Variants in PATL2 observed in about 807,000 individuals in gnomAD.
The protein encoded by PATL2 is PAT1 homolog 2.
In PATL2, 73 loss-of-function variants were observed where a neutral mutation model predicts 77.0. That is an observed-to-expected ratio of 0.95 (90% CI 0.78 to 1.15). The LOEUF (loss-of-function observed/expected upper bound fraction) is 1.15, where lower values mean the gene tolerates loss of function less well. Among genes scored for constraint, PATL2 ranks in the 50% most tolerant of loss-of-function variants. The probability of loss-of-function intolerance (pLI) is 0.00; values close to 1 mark genes in which losing one functional copy is unlikely to be tolerated. For synonymous variants in PATL2, 265 were observed against 257.1 expected (o/e 1.03, Z -0.29); for missense variants, 618 against 655.4 (o/e 0.94, Z 0.62).
chr15:44,680,035 C>A (rs945823726), intron 3 of PATL2, among the ~76,000 whole-genome samples: 1 of 152,160 alleles, frequency 6.6e-6, no homozygotes, highest in African/African-American at 2.4e-5. Flanking sequence ...TACCCCAATT[C>A]CCTCTGGATC....
chr15:44,693,475 C>T lies in PATL2; in HGVS notation c.-76+16621G>A, dbSNP rs751228059. ...CTTCTGCAGTCACATCTCCCTCTGA[C>T]TACCATCAGGAAAAGTTCTCTGCTT... On this transcript the variant is annotated intron_variant, in intron 3 of 17. Coordinates refer to ENST00000682850, the MANE Select transcript of PATL2 (RefSeq NM_001387263.1). Among the ~76,000 whole-genome samples, 70 of 152,308 alleles carry T rather than the reference C, an allele frequency of 4.6e-4. 1 individual carries two copies. Among genetic ancestry groups the T allele is most frequent in the Admixed American group, 2.9e-3 (44 of 15,302 alleles).
Position 44,673,316 on chromosome 15 carries a change from G to C in PATL2, c.365C>G (p.Ala122Gly), listed in dbSNP as rs1458706512. Residue 122 changes from alanine (A) to glycine (G), a missense_variant, in exon 7 of 18, where the codon GCA becomes GGA. By Grantham distance (60) the Ala-to-Gly change is moderately conservative. Transcript: ENST00000682850. ...GGGCAGCCGAGGTCCAAAGTGCTGT[G>C]CTGGAGAGCTGGTGCTGGGAAATGT... ...WPTFPSTSSPAQHFGPRLPSP... is the reference protein window; with the variant it reads ...WPTFPSTSSPGQHFGPRLPSP... The C allele has an allele frequency of 6.4e-7, 1 of 1,551,578 alleles. No homozygotes were observed. Among genetic ancestry groups the C allele is most frequent in the African/African-American group, 1.4e-5 (1 of 73,040 alleles).
intron 3 of PATL2, among the ~76,000 whole-genome samples, chr15:44,696,886 G>A (rs1392788360): frequency 6.6e-6 from 1 of 152,072 alleles, no homozygotes; most frequent in Non-Finnish European, 1.5e-5. Context: ...TCTCCTGGTG[G>A]GCAGGGTCTG....
intron 16 of PATL2, 90 bp from the exon 17 acceptor site, chr15:44,666,631 T>C (rs1458978243): frequency 3.8e-6 from 5 of 1,327,902 alleles, no homozygotes; most frequent in Admixed American, 3.0e-5. Flanking sequence ...CCGTTACTAC[T>C]ACCATTGTCC....
In PATL2 at chr15:44,669,428, G is replaced by A. The variant is rs1438712429; in HGVS notation, c.931-15C>T. ...TGAAGGAACATCTGGGAATTTGAGGGTGGAAAAAAGAGGTAAATTTGGGTA... is the reference window on the plus strand; with the variant it reads ...TGAAGGAACATCTGGGAATTTGAGGATGGAAAAAAGAGGTAAATTTGGGTA... On this transcript the variant is annotated splice_polypyrimidine_tract_variant and intron_variant, in intron 12 of 17. Transcript: ENST00000682850. The A allele has an allele frequency of 2.6e-6, 4 of 1,548,118 alleles. No homozygotes were observed. Among genetic ancestry groups the A allele is most frequent in the African/African-American group, 2.7e-5 (2 of 73,074 alleles).
chr15:44,667,868 A>C (rs540657692), intron 15 of PATL2, among the ~76,000 whole-genome samples: 14 of 152,136 alleles, frequency 9.2e-5, no homozygotes, highest in Admixed American at 6.5e-5. Flanking sequence ...GCGTGAACCC[A>C]GGAGGCAGAG....
intron 3 of PATL2, among the ~76,000 whole-genome samples, chr15:44,677,515 C>T (rs1406848365): frequency 6.6e-6 from 1 of 152,126 alleles, no homozygotes; most frequent in African/African-American, 2.4e-5. Context: ...AACAAATCAA[C>T]AACAACAAAA....
chr15:44,666,369 A>G (rs1423081818), intron 17 of PATL2, 23 bp downstream of exon 17: 9 of 1,551,252 alleles, frequency 5.8e-6, no homozygotes, highest in Non-Finnish European at 7.8e-6. Context: ...AGGGGCTTTG[A>G]CCTTGTTTCT....
At position 44,666,530 on chromosome 15, in the gene PATL2, AC is replaced by A; in HGVS notation, c.1474del (p.Val492TrpfsTer3). 6.5e-7 allele frequency: 1 copy of A among 1,550,346 alleles called. No individual in the cohort carries two copies. Among genetic ancestry groups the A allele is most frequent in the Non-Finnish European group, 8.7e-7 (1 of 1,146,390 alleles). On this transcript the variant is annotated frameshift_variant, in exon 17 of 18. Transcript: ENST00000682850. LOFTEE classifies it high-confidence loss of function. ...GGCTATCTCCCAGGCAATCAGAACC[AC>A]CATGTCTGTCCTAGAGAGCATAAAT... is the stretch of plus-strand genomic sequence containing the variant. Reference protein sequence around the residue: ...NSDHTAWTDMVVLIAWEIAQM... With the variant: ...NSDHTAWTDMXVLIAWEIAQM...
Position 44,665,855 on chromosome 15 carries a change from A to T in PATL2, c.*98T>A. 2 of 1,547,694 alleles carry T rather than the reference A, an allele frequency of 1.3e-6. No homozygotes were observed. The highest frequency in any genetic ancestry group is 1.2e-5 in the South Asian group (1 of 83,600). On this transcript the variant is annotated 3_prime_UTR_variant, in exon 18 of 18. Coordinates refer to ENST00000682850, the MANE Select transcript of PATL2 (RefSeq NM_001387263.1). ...GTTCTCCAATATATAAAGGCATAAG[A>T]AATGTCTTCAGACTCTCTGGATCCC...
In PATL2 at chr15:44,666,982, C is replaced by G. The variant is rs749367652; in HGVS notation, c.1463+124G>C. On this transcript the variant is annotated intron_variant, in intron 16 of 17. Coordinates refer to ENST00000682850, the MANE Select transcript of PATL2 (RefSeq NM_001387263.1). ...AAAAAGCAGAACAGCTACAACACTG[C>G]TACTACTTTCTCTATCCAACCTCTT... 3 of 754,322 alleles carry G rather than the reference C, an allele frequency of 4.0e-6. No individual in the cohort carries two copies. The South Asian group carries it at 5.3e-5, about 13-fold the overall frequency. The allele number at this position is 754,322 out of a possible 1,614,324, so 46.7% of individuals were successfully genotyped here. A position where few individuals can be genotyped will look rare whatever the true frequency, so the allele number is the denominator to read the frequency against.
chr15:44,672,837 G>A (rs1045141940), intron 7 of PATL2, among the ~76,000 whole-genome samples: 1 of 152,170 alleles, frequency 6.6e-6, no homozygotes, highest in Non-Finnish European at 1.5e-5. Flanking sequence ...TCAGCTCACT[G>A]CAACCTCTGG....
intron 3 of PATL2, among the ~76,000 whole-genome samples, chr15:44,684,495 C>T (rs143096175): frequency 8.0e-5 from 12 of 150,842 alleles, no homozygotes; most frequent in Non-Finnish European, 1.5e-4. Context: ...GAAGGAATAC[C>T]GGCGATTGAA....
chr15:44,673,201 C>T, intron 7 of PATL2, 34 bp downstream of exon 7: 1 of 1,549,178 alleles, frequency 6.5e-7, no homozygotes, highest in Non-Finnish European at 8.7e-7. Context: ...GCCAGCACCT[C>T]CTGAGACCTC....
chr15:44,694,126 C>A lies in PATL2; in HGVS notation c.-76+15970G>T, dbSNP rs550104316. ...ATAAAATAATCCCAATTTTGTGGAA[C>A]CTTCCCTTCCCCCTACTAAACTCTG... On this transcript the variant is annotated intron_variant, in intron 3 of 17. Coordinates refer to ENST00000682850, the MANE Select transcript of PATL2 (RefSeq NM_001387263.1). 2.6e-5 allele frequency among the ~76,000 whole-genome samples: 4 copies of A among 152,192 alleles called. No homozygotes were observed. In the East Asian group the frequency reaches 5.8e-4, roughly 22 times the overall value.
At chr15:44,700,658 T>A (rs2086608390) in intron 3 of PATL2, among the ~76,000 whole-genome samples, 1 of 152,270 alleles carries the variant, frequency 6.6e-6, no homozygotes, top group South Asian at 2.1e-4. Flanking sequence ...GTTCTAATAG[T>A]TTTTTGGTGG....
At chr15:44,710,624 G>A (rs2086837290) in intron 2 of PATL2, among the ~76,000 whole-genome samples, 1 of 152,030 alleles carries the variant, frequency 6.6e-6, no homozygotes, top group African/African-American at 2.4e-5. Flanking sequence ...AATGAATGGG[G>A]GTAATTCTTT....
intron 3 of PATL2, among the ~76,000 whole-genome samples, chr15:44,683,935 G>A (rs2086192880): frequency 6.6e-6 from 1 of 152,072 alleles, no homozygotes; most frequent in Admixed American, 6.6e-5. Context: ...AGTCTCCGCT[G>A]GTGATACCCA....
chr15:44,707,537 C>T (rs971574857), intron 3 of PATL2, among the ~76,000 whole-genome samples: 4 of 152,164 alleles, frequency 2.6e-5, no homozygotes, highest in Non-Finnish European at 5.9e-5. Context: ...GGAGCTATGG[C>T]CTGGAATGTG....
Sources: gnomAD v4.1 joint callset for allele counts (sites outside exome capture counted in the v4.1 genomes callset) on GRCh38, gnomAD v4.1.1 for gene constraint, MANE v1.5 for transcripts, NCBI Gene and HGNC (gene_info 2026-07-23, HGNC 2026-07-21) for gene names.